Variants in FBXO41 observed in about 807,000 individuals in gnomAD.
The protein encoded by FBXO41 is F-box protein 41.
Under a neutral mutation model 81.6 loss-of-function variants are expected in FBXO41, and 33 were observed. That is an observed-to-expected ratio of 0.40 (90% CI 0.31 to 0.54). The LOEUF (loss-of-function observed/expected upper bound fraction) is 0.54, where lower values mean the gene tolerates loss of function less well. Ranked by LOEUF, FBXO41 falls within the 20% of genes least tolerant of loss-of-function variation. The pLI, the probability that FBXO41 is intolerant of heterozygous loss-of-function variation, is 0.39. For synonymous variants in FBXO41, 576 were observed against 552.7 expected, an observed-to-expected ratio of 1.04 and a Z score of -0.59; for missense variants, 1,107 against 1,236.0, an observed-to-expected ratio of 0.90 and a Z score of 1.56.
Position 73,265,421 on chromosome 2 carries a change from G to T in FBXO41, c.1425C>A (p.Arg475=), listed in dbSNP as rs766618417. 3 of 1,608,732 alleles carry T rather than the reference G, an allele frequency of 1.9e-6. No individual in the cohort carries two copies. The highest frequency in any genetic ancestry group is 2.5e-6 in the Non-Finnish European group (3 of 1,179,668). Residue 475 remains arginine (R), a synonymous_variant, in exon 5 of 13, where the codon CGC becomes CGA. Coordinates refer to ENST00000520530, the MANE Select transcript of FBXO41 (RefSeq NM_001371389.2). ...QAIQNWQRRP[R]RHSTEGEEGD... is the part of the protein sequence containing the mutation. ...CCTCTTCCCCCTCAGTGCTGTGTCG[G>T]CGGGGTCTGCGCTGCCAGTTCTGGA...
Position 73,258,995 on chromosome 2 carries a change from TC to T in FBXO41, c.2614del (p.Glu872LysfsTer63), listed in dbSNP as rs1327264108. ...GFSKILHIKVEGGC is the reference protein window; with the variant it reads ...GFSKILHIKVXGGC ...CCCCTACCCGGGTTAGCAGCCGCCT[TC>T]CACCTTGATGTGCAGAATCTTAGAG... On this transcript the variant is annotated frameshift_variant, in exon 13 of 13. Transcript: ENST00000520530. LOFTEE classifies it high-confidence loss of function. The T allele has an allele frequency of 6.3e-7, 1 of 1,586,598 alleles. No individual in the cohort carries two copies. The highest frequency in any genetic ancestry group is 1.8e-5 in the Admixed American group (1 of 56,304).
chr2:73,269,459 C>G lies in FBXO41; in HGVS notation c.172G>C (p.Ala58Pro). Residue 58 changes from alanine to proline, a missense_variant, in exon 2 of 13, where the codon GCC (alanine) becomes CCC (proline). Around this residue, in one of 2 missense-constraint regions of FBXO41, gnomAD observed 771 missense variants for 789.2 expected, o/e 0.98. Transcript: ENST00000520530. This position sits in a 1 kb window ranked among gnomAD's most constrained non-coding sequence, Gnocchi z 7.0. The part of the protein sequence containing the change: ...CDGAAAAAAA[A>P]AAASGFPLAP... ...AGCGGGAACCCCGAGGCAGCGGCGG[C>G]GGCGGCCGCGGCGGCGGCGGCGCCG... is the stretch of plus-strand genomic sequence containing the variant. 1 of 1,255,918 alleles carries G rather than the reference C, an allele frequency of 8.0e-7. No homozygotes were observed. The allele number at this position is 1,255,918 out of a possible 1,614,324, so 77.8% of individuals were successfully genotyped here.
chr2:73,265,077 C>A (rs987229985), intron 5 of FBXO41, among the ~76,000 whole-genome samples: 2 of 152,240 alleles, frequency 1.3e-5, no homozygotes, highest in Admixed American at 1.3e-4. Context: ...CCCTGCCCCC[C>A]AGATGTGGCA....
At chr2:73,280,259 C>T (rs1033460331) in intron 1 of FBXO41, among the ~76,000 whole-genome samples, 1 of 152,194 alleles carries the variant, frequency 6.6e-6, no homozygotes, top group Non-Finnish European at 1.5e-5. Context: ...AAGCCACTTC[C>T]CCAGTTCAGA....
intron 9 of FBXO41, 96 bp downstream of exon 9, chr2:73,263,117 T>C (rs1688077829): frequency 2.1e-6 from 2 of 947,978 alleles, no homozygotes; most frequent in African/African-American, 1.7e-5. Flanking sequence ...TCTGTCCTAA[T>C]AGCTTGTGGA....
chr2:73,273,753 T>C (rs917294742), intron 1 of FBXO41, among the ~76,000 whole-genome samples: 3 of 152,202 alleles, frequency 2.0e-5, no homozygotes, highest in Non-Finnish European at 2.9e-5. Flanking sequence ...GACTTGACCA[T>C]TGAGAAGGGC....
Position 73,260,939 on chromosome 2 carries a change from C to T in FBXO41, c.2172-81G>A. On this transcript the variant is annotated intron_variant, in intron 9 of 12. Coordinates refer to ENST00000520530, the MANE Select transcript of FBXO41 (RefSeq NM_001371389.2). The surrounding 1 kb of genome is among the most constrained non-coding windows in gnomAD (Gnocchi z 5.0). ...GCATGCTCCTCCTGTGGGACCCCTC[C>T]CTGACTCAGGCAAGCATTCCTCCAA... 1 of 1,207,474 alleles carries T rather than the reference C, an allele frequency of 8.3e-7. No individual in the cohort carries two copies. The allele number at this position is 1,207,474 out of a possible 1,614,324, so 74.8% of individuals were successfully genotyped here.
At position 73,260,086 on chromosome 2, in the gene FBXO41, G is replaced by A. The variant is rs529690313; in HGVS notation, c.2449+303C>T. Among the ~76,000 whole-genome samples the A allele has an allele frequency of 6.6e-6, 1 of 151,094 alleles. No homozygotes were observed. Among genetic ancestry groups the A allele is most frequent in the African/African-American group, 2.5e-5 (1 of 40,518 alleles). On this transcript the variant is annotated intron_variant, in intron 11 of 12. Transcript: ENST00000520530. The surrounding 1 kb of genome is among the most constrained non-coding windows in gnomAD (Gnocchi z 5.0). ...CACCCTGAGAACTGTCCTTGGGGGG[G>A]CTTCCATATATCATCTCATTTAATC...
At position 73,255,906 on chromosome 2, in the gene FBXO41, G is replaced by C. The variant is rs1166868850; in HGVS notation, c.*3076C>G. 6.6e-6 allele frequency: 1 copy of C among 152,296 alleles called. No individual in the cohort carries two copies. Among genetic ancestry groups the C allele is most frequent in the Non-Finnish European group, 1.5e-5 (1 of 68,138 alleles). 9.4% of individuals were successfully genotyped at this position (152,296 alleles called of 1,614,324 possible). A position where few individuals can be genotyped will look rare whatever the true frequency, so the allele number is the denominator to read the frequency against. On this transcript the variant is annotated 3_prime_UTR_variant, in exon 13 of 13. Coordinates refer to ENST00000520530, the MANE Select transcript of FBXO41 (RefSeq NM_001371389.2). Reference sequence around the variant, plus strand: ...CAGGAGCTGCCTTGATCCTTAGGTGGTCTCTCCTGGCTGGGGAAAGGCTGT... The same window carrying C: ...CAGGAGCTGCCTTGATCCTTAGGTGCTCTCTCCTGGCTGGGGAAAGGCTGT...
chr2:73,268,231 G>A (rs942371027), intron 2 of FBXO41, among the ~76,000 whole-genome samples: 1 of 152,198 alleles, frequency 6.6e-6, no homozygotes, highest in African/African-American at 2.4e-5. Context: ...GTTCAAGAGA[G>A]AAAGTGAGGA....
chr2:73,275,413 C>T (rs2103905777), intron 1 of FBXO41, among the ~76,000 whole-genome samples: 1 of 151,874 alleles, frequency 6.6e-6, no homozygotes, highest in African/African-American at 2.4e-5. Flanking sequence ...GAACTCTTGA[C>T]CTCAGGTGAT....
intron 5 of FBXO41, 116 bp downstream of exon 5, chr2:73,265,166 G>T: frequency 1.0e-6 from 1 of 988,702 alleles, no homozygotes; most frequent in Non-Finnish European, 1.4e-6. Flanking sequence ...CCCCAGGCTT[G>T]AAGGGCGCTA....
At position 73,265,273 on chromosome 2, in the gene FBXO41, G is replaced by C; in HGVS notation, c.1564+9C>G. ...CCTGTGTCCCCCTGCCCAGCCTTCC[G>C]GGACCTACCTGAGAGCCGGCAGCTG... On this transcript the variant is annotated intron_variant, in intron 5 of 12. Transcript: ENST00000520530. 6.3e-7 allele frequency: 1 copy of C among 1,592,306 alleles called. No homozygotes were observed. Among genetic ancestry groups the C allele is most frequent in the East Asian group, 2.2e-5 (1 of 44,724 alleles).
intron 2 of FBXO41, among the ~76,000 whole-genome samples, chr2:73,268,152 G>A (rs1001709941): frequency 1.1e-4 from 16 of 152,190 alleles, no homozygotes; most frequent in African/African-American, 3.9e-4. Context: ...ACGATGGCTA[G>A]GCCTTAGCAA....
At chr2:73,265,713 C>T in intron 4 of FBXO41, 73 bp from the exon 5 acceptor site, 2 of 1,443,310 alleles carry the variant, frequency 1.4e-6, no homozygotes, top group Non-Finnish European at 1.8e-6. Flanking sequence ...CCTGCCCCTA[C>T]CATCAGCTGA....
chr2:73,275,229 G>T (rs916733501), intron 1 of FBXO41, among the ~76,000 whole-genome samples: 1 of 149,544 alleles, frequency 6.7e-6, no homozygotes, highest in African/African-American at 2.5e-5. Context: ...GCCCAGGTTG[G>T]AGTACAGTGG....
At chr2:73,263,378 G>A in intron 8 of FBXO41, 70 bp from the exon 9 acceptor site, 5 of 1,231,592 alleles carry the variant, frequency 4.1e-6, no homozygotes, top group Non-Finnish European at 3.3e-6. Context: ...ACTTTGGGAG[G>A]TCAAGGCCGA....
chr2:73,263,624 G>T, intron 8 of FBXO41, 54 bp downstream of exon 8: 2 of 1,601,608 alleles, frequency 1.2e-6, no homozygotes, highest in East Asian at 2.2e-5. Context: ...CTAGGGATCC[G>T]GTAGGACCCT....
chr2:73,262,641 C>T (rs1374362918), intron 9 of FBXO41, among the ~76,000 whole-genome samples: 2 of 152,238 alleles, frequency 1.3e-5, no homozygotes, highest in African/African-American at 4.8e-5. Context: ...CCTAATACCA[C>T]CTTTACTTTG....
Sources: allele counts gnomAD v4.1 joint callset (sites outside exome capture counted in the v4.1 genomes callset), GRCh38; gene constraint gnomAD v4.1.1; regional missense constraint gnomAD v4.1.1; non-coding constraint Gnocchi (gnomAD v3.1); transcripts MANE v1.5; gene names NCBI Gene and HGNC (gene_info 2026-07-23, HGNC 2026-07-21).